The following GLIS3 variants were observed in gnomAD, a reference collection of about 807,000 sequenced individuals.
GLIS3 encodes the protein GLIS family zinc finger 3, also known as zinc finger protein GLIS3.
A neutral mutation model predicts 78.6 loss-of-function variants in GLIS3; 53 were observed. The observed-to-expected ratio is 0.67, with a 90% CI of 0.54 to 0.85. The LOEUF (loss-of-function observed/expected upper bound fraction) is 0.85. GLIS3 is among the 40% of genes least tolerant of loss of function. The pLI, the probability that GLIS3 is intolerant of heterozygous loss-of-function variation, is 0.00. For synonymous variants in GLIS3, 684 were observed against 509.9 expected (o/e 1.34, Z -4.60); for missense variants, 1,703 against 1,231.1 (o/e 1.38, Z -5.74).
intron 2 of GLIS3, among the ~76,000 whole-genome samples, chr9:4,226,464 G>A (rs561122530): frequency 1.3e-5 from 2 of 152,118 alleles, no homozygotes; most frequent in African/African-American, 4.8e-5. Context: ...CTCCTCCCAA[G>A]AGAAAGTTAG....
intron 2 of GLIS3, among the ~76,000 whole-genome samples, chr9:4,283,128 C>A (rs544444627): frequency 6.6e-6 from 1 of 152,074 alleles, no homozygotes; most frequent in East Asian, 2.0e-4. Flanking sequence ...CACAGGAATG[C>A]ACTTTGCAGG....
intron 3 of GLIS3, among the ~76,000 whole-genome samples, chr9:4,122,282 T>C (rs1832249496): frequency 6.6e-6 from 1 of 152,202 alleles, no homozygotes; most frequent in Non-Finnish European, 1.5e-5. Flanking sequence ...ATTCCCTATA[T>C]ATGTAGATCA....
At chr9:4,182,121 G>C (rs893449237) in intron 2 of GLIS3, among the ~76,000 whole-genome samples, 8 of 152,074 alleles carry the variant, frequency 5.3e-5, no homozygotes, top group African/African-American at 1.7e-4. Context: ...AGAATAAAAT[G>C]GTTCCTATAA....
intron 4 of GLIS3, among the ~76,000 whole-genome samples, chr9:4,019,055 A>C (rs1822660344): frequency 6.6e-6 from 1 of 152,226 alleles, no homozygotes; most frequent in Non-Finnish European, 1.5e-5. Context: ...AGCACCTGGC[A>C]CAGTGTCATT....
At chr9:4,046,567 T>C (rs927244308) in intron 4 of GLIS3, among the ~76,000 whole-genome samples, 7 of 152,182 alleles carry the variant, frequency 4.6e-5, no homozygotes, top group Non-Finnish European at 7.4e-5. Flanking sequence ...ATGAAGCTAA[T>C]ACGATAAGTT....
intron 4 of GLIS3, among the ~76,000 whole-genome samples, chr9:4,038,248 C>G (rs1824499019): frequency 6.6e-6 from 1 of 151,848 alleles, no homozygotes; most frequent in South Asian, 2.1e-4. Context: ...AAAATATTAT[C>G]CCATGATTAA....
Position 4,222,560 on chromosome 9 carries a change from C to G in GLIS3, c.388+63478G>C, listed in dbSNP as rs186364476. Among the ~76,000 whole-genome samples, 394 of 152,310 alleles carry G rather than the reference C, an allele frequency of 2.6e-3. 2 individuals carry two copies. Among genetic ancestry groups the G allele is most frequent in the African/African-American group, 7.7e-3 (322 of 41,556 alleles). On this transcript the variant is annotated intron_variant, in intron 2 of 10. Transcript: ENST00000381971. ...CAAGACTTTGCTTAACCCCATGGTA[C>G]TGGAGTTTGCCAAATGTTTCAAGTC...
At chr9:4,201,373 G>A (rs1478884911) in intron 2 of GLIS3, among the ~76,000 whole-genome samples, 4 of 152,144 alleles carry the variant, frequency 2.6e-5, no homozygotes, top group African/African-American at 9.7e-5. Flanking sequence ...CATCCAAATA[G>A]AAAAAGAAGA....
intron 2 of GLIS3, among the ~76,000 whole-genome samples, chr9:4,210,089 C>T (rs1435862853): frequency 6.6e-6 from 1 of 152,132 alleles, no homozygotes; most frequent in Non-Finnish European, 1.5e-5. Flanking sequence ...ATAGTGGGCA[C>T]CCCATTGAGT....
the GLIS3 span, among the ~76,000 whole-genome samples, chr9:4,475,863 G>A: frequency 1.3e-4 from 20 of 152,148 alleles, no homozygotes; most frequent in Non-Finnish European, 2.6e-4. Flanking sequence ...GAAGAGAGTC[G>A]TTGGATATTA....
chr9:4,057,677 C>T (rs571653575), intron 4 of GLIS3, among the ~76,000 whole-genome samples: 6 of 151,314 alleles, frequency 4.0e-5, no homozygotes, highest in Admixed American at 6.6e-5. Context: ...AAGGTCAGAT[C>T]GACTTCCTAG....
chr9:4,210,048 G>C (rs375644455), intron 2 of GLIS3, among the ~76,000 whole-genome samples: 1 of 152,126 alleles, frequency 6.6e-6, no homozygotes, highest in African/African-American at 2.4e-5. Context: ...GTTCAGCTTG[G>C]TGTCCCCAGT....
chr9:3,901,520 G>A (rs780895599), intron 6 of GLIS3, among the ~76,000 whole-genome samples: 1 of 152,176 alleles, frequency 6.6e-6, no homozygotes, highest in Admixed American at 6.5e-5. Context: ...CACTGGCAAT[G>A]ACGATGACCA....
At chr9:4,392,715 G>A in the GLIS3 span, among the ~76,000 whole-genome samples, 118,016 of 152,138 alleles carry the variant, frequency 0.78, 46,522 homozygotes, top group Non-Finnish European at 0.85. Context: ...TGACATTCTT[G>A]TGTTTCTGAA....
chr9:4,047,483 C>G (rs1013439537), intron 4 of GLIS3, among the ~76,000 whole-genome samples: 1 of 152,134 alleles, frequency 6.6e-6, no homozygotes, highest in African/African-American at 2.4e-5. Flanking sequence ...ATTTCAAAAA[C>G]CTGTTACTGC....
chr9:4,310,385 A>G (rs1817330538), intron 3 of GLIS3: 1 of 152,146 alleles, frequency 6.6e-6, no homozygotes, highest in African/African-American at 2.4e-5. Context: ...GGATAAAGAA[A>G]ATTTCAGAAA....
At chr9:4,301,354 G>C (rs1350033030), upstream of GLIS3, among the ~76,000 whole-genome samples, 1 of 152,200 alleles carries the variant, frequency 6.6e-6, no homozygotes, top group Non-Finnish European at 1.5e-5. Context: ...GATGGCAATA[G>C]ATGGGCTCAA....
intron 4 of GLIS3, among the ~76,000 whole-genome samples, chr9:4,086,618 G>T (rs1474786146): frequency 6.6e-6 from 1 of 152,224 alleles, no homozygotes; most frequent in Non-Finnish European, 1.5e-5. Context: ...AAGGATGACG[G>T]AATGTGTTAA....
rs183349967 is a variant in GLIS3, at chr9:3,835,453, T to C, written c.2474-5961A>G. The stretch of plus-strand genomic sequence containing the variant: ...CTGGGTGTTCCAAGACCCCTTGATA[T>C]GTCAGATGGGAAAACCCTTTAACTC... On this transcript the variant is annotated intron_variant, in intron 9 of 10. Transcript: ENST00000381971. Among the ~76,000 whole-genome samples, 60 of 152,356 alleles carry C rather than the reference T, an allele frequency of 3.9e-4. No individual in the cohort carries two copies. In the East Asian group the frequency reaches 9.6e-3, roughly 25 times the overall value.
Sources: allele counts gnomAD v4.1 joint callset (sites outside exome capture counted in the v4.1 genomes callset), GRCh38; gene constraint gnomAD v4.1.1; transcripts MANE v1.5; gene names NCBI Gene and HGNC (gene_info 2026-07-23, HGNC 2026-07-21).